Variants in SLIT3 observed in about 807,000 individuals in gnomAD.
SLIT3 encodes the protein slit homolog 3 protein.
In SLIT3, 68 loss-of-function variants were observed where a neutral mutation model predicts 184.0. That is an observed-to-expected ratio of 0.37 (90% CI 0.30 to 0.45). SLIT3 has a LOEUF of 0.45. SLIT3 is among the 20% of genes least tolerant of loss of function. SLIT3 has a pLI of 1.00. For missense variants in SLIT3, 1,707 were observed against 2,026.0 expected, an observed-to-expected ratio of 0.84 and a Z score of 3.02; for synonymous variants, 831 against 828.6, an observed-to-expected ratio of 1.00 and a Z score of -0.05.
intron 32 of SLIT3, among the ~76,000 whole-genome samples, chr5:168,679,988 G>A (rs911333002): frequency 6.6e-6 from 1 of 152,220 alleles, no homozygotes; most frequent in African/African-American, 2.4e-5. Flanking sequence ...GCACACCCAC[G>A]CGGTGTTTTA....
intron 6 of SLIT3, among the ~76,000 whole-genome samples, chr5:168,839,283 G>T (rs745785322): frequency 1.3e-5 from 2 of 152,060 alleles, no homozygotes; most frequent in Non-Finnish European, 2.9e-5. Context: ...TGTACCCAGC[G>T]CCCAGCACTG....
chr5:169,182,026 C>A (rs1763175763), intron 4 of SLIT3, among the ~76,000 whole-genome samples: 1 of 152,110 alleles, frequency 6.6e-6, no homozygotes, highest in Non-Finnish European at 1.5e-5. Flanking sequence ...GACACGCCAA[C>A]AAGAGGCCAA....
chr5:168,826,228 G>C (rs575816344), intron 6 of SLIT3, among the ~76,000 whole-genome samples: 10 of 152,270 alleles, frequency 6.6e-5, no homozygotes, highest in African/African-American at 2.2e-4. Context: ...TACGATAATA[G>C]CAATTATTCC....
intron 4 of SLIT3, among the ~76,000 whole-genome samples, chr5:169,109,321 C>A (rs549079571): frequency 1.3e-5 from 2 of 152,090 alleles, no homozygotes; most frequent in Non-Finnish European, 2.9e-5. Flanking sequence ...TCACCAACAG[C>A]CAGCAAAAAG....
intron 5 of SLIT3, among the ~76,000 whole-genome samples, chr5:168,849,044 G>GA (rs1758582433): frequency 6.6e-6 from 1 of 152,092 alleles, no homozygotes; most frequent in Non-Finnish European, 1.5e-5. Context: ...AAGAGATAAA[G>GA]AAAGAAGGAA....
intron 4 of SLIT3, among the ~76,000 whole-genome samples, chr5:168,913,266 A>T (rs988690124): frequency 2.1e-4 from 32 of 152,222 alleles, no homozygotes; most frequent in African/African-American, 7.5e-4. Flanking sequence ...TTTTGCACCA[A>T]TCAATACATA....
In SLIT3 at chr5:168,823,266, C is replaced by A; in HGVS notation, c.623G>T (p.Arg208Leu). 6.2e-7 allele frequency: 1 copy of A among 1,613,522 alleles called. No homozygotes were observed. Among genetic ancestry groups the A allele is most frequent in the Non-Finnish European group, 8.5e-7 (1 of 1,179,472 alleles). The change falls in exon 7 of 36, where the codon CGA (arginine) becomes CTA (leucine). Residue 208 changes from arginine to leucine, a missense_variant. Arg to Leu is a moderately radical substitution (Grantham distance 102, BLOSUM62 -2). Coordinates refer to ENST00000519560, the MANE Select transcript of SLIT3 (RefSeq NM_003062.4). ...VTSFNHMPKI[R>L]TLRLHSNHLY... is the part of the protein sequence containing the mutation. ...GCACAGACTTCTTACTCACAGAGTT[C>A]GGATCTTCGGCATGTGGTTGAAGCT...
At chr5:168,872,371 C>T (rs960871225) in intron 5 of SLIT3, among the ~76,000 whole-genome samples, 2 of 152,042 alleles carry the variant, frequency 1.3e-5, no homozygotes, top group African/African-American at 2.4e-5. Flanking sequence ...ACAAACCAAA[C>T]GGTGAACTCT....
chr5:168,867,926 T>C (rs73310250), intron 5 of SLIT3, among the ~76,000 whole-genome samples: 1 of 152,222 alleles, frequency 6.6e-6, no homozygotes, highest in South Asian at 2.1e-4. Flanking sequence ...GCATGATCTA[T>C]ATCAGAGGCC....
Position 168,914,346 on chromosome 5 carries a change from T to C in SLIT3, c.414-31010A>G, listed in dbSNP as rs543787565. 5.9e-5 allele frequency among the ~76,000 whole-genome samples: 9 copies of C among 152,350 alleles called. 1 individual carries two copies. Among genetic ancestry groups the C allele is most frequent in the Middle Eastern group, 6.8e-3 (2 of 294 alleles). On this transcript the variant is annotated intron_variant, in intron 4 of 35. Coordinates refer to ENST00000519560, the MANE Select transcript of SLIT3 (RefSeq NM_003062.4). Reference sequence around the variant, plus strand: ...CCAGAGGAAGGCCCGGAACTAGAGCTAATGTTGTGGGCAGCCTCTGAATCT... The same window carrying C: ...CCAGAGGAAGGCCCGGAACTAGAGCCAATGTTGTGGGCAGCCTCTGAATCT...
At chr5:168,717,814 C>G (rs576901991) in intron 23 of SLIT3, among the ~76,000 whole-genome samples, 75 of 152,172 alleles carry the variant, frequency 4.9e-4, no homozygotes, top group African/African-American at 1.7e-3. Context: ...GCACCCGCCA[C>G]TACGTCCGGC....
chr5:169,236,478 G>T (rs990639493), intron 3 of SLIT3, among the ~76,000 whole-genome samples: 11 of 143,722 alleles, frequency 7.7e-5, no homozygotes, highest in South Asian at 4.6e-4. Flanking sequence ...GTTTTGTTTT[G>T]TTTTTTTTTT....
chr5:169,076,171 G>A (rs1250594335), intron 4 of SLIT3, among the ~76,000 whole-genome samples: 1 of 152,198 alleles, frequency 6.6e-6, no homozygotes, highest in Admixed American at 6.5e-5. Flanking sequence ...TGGCCAAAGT[G>A]AGTTGCTGGG....
At chr5:168,992,863 C>G (rs1755377496) in intron 4 of SLIT3, 1 of 152,230 alleles carries the variant, frequency 6.6e-6, no homozygotes, top group Admixed American at 6.5e-5. Flanking sequence ...ATTAGCATTT[C>G]CGTTTTCATG....
chr5:168,799,414 CAT>C (rs1756685273), intron 9 of SLIT3, among the ~76,000 whole-genome samples: 1 of 152,218 alleles, frequency 6.6e-6, no homozygotes. Context: ...TAAAAACAAA[CAT>C]ACAAATCAAA....
chr5:168,860,474 T>A (rs1759062779), intron 5 of SLIT3, among the ~76,000 whole-genome samples: 2 of 152,190 alleles, frequency 1.3e-5, no homozygotes, highest in South Asian at 4.2e-4. Context: ...AGGGGTATAT[T>A]AATTATGTTT....
At chr5:168,740,868 T>C (rs1763608223) in intron 20 of SLIT3, among the ~76,000 whole-genome samples, 1 of 152,216 alleles carries the variant, frequency 6.6e-6, no homozygotes, top group African/African-American at 2.4e-5. Context: ...CGGGCTATCG[T>C]CATGGCATTT....
At chr5:169,209,447 T>G (rs767900451) in intron 3 of SLIT3, among the ~76,000 whole-genome samples, 3 of 152,210 alleles carry the variant, frequency 2.0e-5, no homozygotes, top group Non-Finnish European at 4.4e-5. Flanking sequence ...TTACTGAGTA[T>G]ACACCCAAAG....
chr5:168,999,921 T>G (rs1037653205), intron 4 of SLIT3, among the ~76,000 whole-genome samples: 10 of 152,216 alleles, frequency 6.6e-5, no homozygotes, highest in African/African-American at 2.4e-4. Flanking sequence ...GCTCATGGCT[T>G]GGAGTAGGGA....
Sources: gnomAD v4.1 joint callset for allele counts (sites outside exome capture counted in the v4.1 genomes callset) on GRCh38, gnomAD v4.1.1 for gene constraint, MANE v1.5 for transcripts, NCBI Gene and HGNC (gene_info 2026-07-23, HGNC 2026-07-21) for gene names.